Variants in SGK1 observed in about 807,000 individuals in gnomAD.
SGK1 encodes the protein serine/threonine-protein kinase Sgk1.
Under a neutral mutation model 64.2 loss-of-function variants are expected in SGK1, and 26 were observed. That is an observed-to-expected ratio of 0.40 (90% CI 0.30 to 0.56). SGK1 has a LOEUF of 0.56. Ranked by LOEUF, SGK1 falls within the 20% of genes least tolerant of loss-of-function variation. SGK1 has a pLI of 0.38. For synonymous variants in SGK1, 265 were observed against 239.7 expected, an observed-to-expected ratio of 1.11 and a Z score of -0.98; for missense variants, 519 against 645.6, an observed-to-expected ratio of 0.80 and a Z score of 2.12.
intron 1 of SGK1, chr6:134,297,306 A>T: frequency 8.0e-7 from 1 of 1,244,912 alleles, no homozygotes; most frequent in Non-Finnish European, 1.2e-6. Flanking sequence ...CTCCTGGTAC[A>T]CACGCAGCTA....
At chr6:134,208,746 G>A (rs1458828954) in intron 2 of SGK1, among the ~76,000 whole-genome samples, 4 of 36,356 alleles carry the variant, frequency 1.1e-4, no homozygotes, top group Non-Finnish European at 2.1e-4. Flanking sequence ...CCATGTATGC[G>A]TATATATATA....
intron 3 of SGK1, among the ~76,000 whole-genome samples, chr6:134,201,315 C>T (rs555686408): frequency 2.0e-5 from 3 of 152,052 alleles, no homozygotes; most frequent in Non-Finnish European, 4.4e-5. Context: ...CCGTCTCGGC[C>T]TCCCAAGGTG....
At chr6:134,259,076 G>A (rs6924468) in intron 2 of SGK1, among the ~76,000 whole-genome samples, 22,923 of 152,208 alleles carry the variant, frequency 0.15, 2,001 homozygotes, top group African/African-American at 0.23. Flanking sequence ...CCAGGTAATC[G>A]ATTGCAAATT....
At chr6:134,209,377 T>G (rs978423411) in intron 2 of SGK1, among the ~76,000 whole-genome samples, 3 of 152,112 alleles carry the variant, frequency 2.0e-5, no homozygotes, top group Non-Finnish European at 2.9e-5. Flanking sequence ...GAGGCCGCAG[T>G]GAGCTGAGAT....
chr6:134,275,106 G>A (rs927446670), intron 1 of SGK1, among the ~76,000 whole-genome samples: 1 of 152,040 alleles, frequency 6.6e-6, no homozygotes, highest in African/African-American at 2.4e-5. Context: ...ACAGCGCCTG[G>A]CCATCTTTTT....
Position 134,169,333 on chromosome 6 carries a change from A to C in SGK1, c.*935T>G, listed in dbSNP as rs942352430. 1 of 152,684 alleles carries C rather than the reference A, an allele frequency of 6.5e-6. No individual in the cohort carries two copies. The highest frequency in any genetic ancestry group is 1.5e-5 in the Non-Finnish European group (1 of 68,044). 9.5% of individuals were successfully genotyped at this position (152,684 alleles called of 1,614,324 possible). On this transcript the variant is annotated 3_prime_UTR_variant, in exon 14 of 14. Coordinates refer to ENST00000367858, the MANE Select transcript of SGK1 (RefSeq NM_001143676.3). ...AGTTGTGTGATGGGATGAGGGAAGG[A>C]TTGTACGTATTATAACCATGTTAAT...
At chr6:134,182,138 G>A (rs546588550) in intron 3 of SGK1, among the ~76,000 whole-genome samples, 1 of 152,236 alleles carries the variant, frequency 6.6e-6, no homozygotes, top group East Asian at 1.9e-4. Context: ...GATTACAAGT[G>A]TGAGCCACTG....
intron 1 of SGK1, among the ~76,000 whole-genome samples, chr6:134,274,195 G>A (rs534522632): frequency 6.6e-6 from 1 of 152,164 alleles, no homozygotes; most frequent in East Asian, 1.9e-4. Context: ...AGTAGAGATG[G>A]GGTTTCACCA....
chr6:134,190,681 G>T (rs1775496605), intron 3 of SGK1, among the ~76,000 whole-genome samples: 2 of 152,060 alleles, frequency 1.3e-5, no homozygotes, highest in Non-Finnish European at 2.9e-5. Context: ...AGGATTATAG[G>T]TTTTTAAAAG....
At chr6:134,305,437 G>A (rs868516330) in intron 1 of SGK1, among the ~76,000 whole-genome samples, 141 of 151,302 alleles carry the variant, frequency 9.3e-4, no homozygotes, top group Admixed American at 9.9e-4. Flanking sequence ...GCCCAGCGTG[G>A]TGGTGTGTGT....
intron 3 of SGK1, among the ~76,000 whole-genome samples, chr6:134,205,594 A>G (rs552329062): frequency 1.3e-5 from 2 of 152,334 alleles, no homozygotes; most frequent in South Asian, 2.1e-4. Context: ...GAAGCGTGCT[A>G]TAGAACTGGG....
intron 1 of SGK1, among the ~76,000 whole-genome samples, chr6:134,293,985 G>C (rs1189748188): frequency 6.6e-6 from 1 of 152,160 alleles, no homozygotes; most frequent in Non-Finnish European, 1.5e-5. Flanking sequence ...ACACACATGA[G>C]AAAAGGTTCA....
At chr6:134,174,832 C>A (rs200323515) in intron 3 of SGK1, 13 of 1,613,750 alleles carry the variant, frequency 8.1e-6, no homozygotes, top group South Asian at 1.1e-5. Context: ...GACAGAAAGA[C>A]GTTAGCGCTC....
At chr6:134,191,402 C>T (rs1562245742) in intron 3 of SGK1, among the ~76,000 whole-genome samples, 1 of 152,190 alleles carries the variant, frequency 6.6e-6, no homozygotes, top group African/African-American at 2.4e-5. Context: ...CCCAAACCAT[C>T]TCTACCACTG....
At chr6:134,255,300 A>G (rs938515426) in intron 2 of SGK1, among the ~76,000 whole-genome samples, 3 of 152,202 alleles carry the variant, frequency 2.0e-5, no homozygotes, top group Non-Finnish European at 2.9e-5. Context: ...CAACATTGCA[A>G]TGGATATTAC....
chr6:134,191,439 T>C (rs1775507074), intron 3 of SGK1, among the ~76,000 whole-genome samples: 1 of 152,162 alleles, frequency 6.6e-6, no homozygotes, highest in Non-Finnish European at 1.5e-5. Flanking sequence ...GTTAAAGTTC[T>C]TCGTTAGGCT....
chr6:134,174,811 C>T, intron 3 of SGK1: 1 of 1,614,150 alleles, frequency 6.2e-7, no homozygotes, highest in Non-Finnish European at 8.5e-7. Flanking sequence ...CCGTCATCAC[C>T]ACCGCGGGGA....
At chr6:134,215,101 A>C (rs1225555974) in intron 2 of SGK1, 4 of 454,338 alleles carry the variant, frequency 8.8e-6, no homozygotes, top group Non-Finnish European at 1.8e-5. Flanking sequence ...AATCTGGAAA[A>C]TAAACATGAG....
rs1775097004 is a variant in SGK1, at chr6:134,173,382, A to T, written c.619-25T>A. On this transcript the variant is annotated intron_variant, in intron 6 of 13. Transcript: ENST00000367858. Reference sequence around the variant, plus strand: ...CCTGAAATTTCAATTTAAAAAAATCATTTTTCTATCCTCATCCAGGGAGAA... The same window carrying T: ...CCTGAAATTTCAATTTAAAAAAATCTTTTTTCTATCCTCATCCAGGGAGAA... The T allele has an allele frequency of 2.5e-6, 4 of 1,600,316 alleles. No individual in the cohort carries two copies. In the East Asian group the frequency reaches 8.9e-5, roughly 36 times the overall value.
Sources: allele counts gnomAD v4.1 joint callset (sites outside exome capture counted in the v4.1 genomes callset), GRCh38; gene constraint gnomAD v4.1.1; transcripts MANE v1.5; gene names NCBI Gene and HGNC (gene_info 2026-07-23, HGNC 2026-07-21).